Variants in KIF4A observed in about 807,000 individuals in gnomAD.
KIF4A encodes the protein chromosome-associated kinesin KIF4A.
In KIF4A, 7 loss-of-function variants were observed where a neutral mutation model predicts 105.9. That is an observed-to-expected ratio of 0.07 (90% CI 0.04 to 0.12). The LOEUF (loss-of-function observed/expected upper bound fraction) is 0.12, where lower values mean the gene tolerates loss of function less well. Among genes scored for constraint, KIF4A ranks in the 10% least tolerant of loss-of-function variants. KIF4A has a pLI of 1.00. For synonymous variants in KIF4A, 281 were observed against 331.3 expected, an observed-to-expected ratio of 0.85 and a Z score of 1.65; for missense variants, 558 against 929.2, an observed-to-expected ratio of 0.60 and a Z score of 5.19.
intron 15 of KIF4A, among the ~76,000 whole-genome samples, chrX:70,372,106 C>T (rs1271006528): frequency 4.7e-5 from 5 of 105,721 alleles, no homozygotes; most frequent in Non-Finnish European, 9.8e-5. Flanking sequence ...AAGAGGCGCT[C>T]CTCACTTCCT....
At chrX:70,311,963 AAAG>A (rs1421642956) in intron 7 of KIF4A, among the ~76,000 whole-genome samples, 7 of 107,927 alleles carry the variant, frequency 6.5e-5, no homozygotes, top group African/African-American at 2.0e-4. Context: ...AAAAAAAAAA[AAAG>A]AAAAAAAAAT....
intron 13 of KIF4A, among the ~76,000 whole-genome samples, chrX:70,350,306 G>A (rs1158278566): frequency 5.4e-5 from 6 of 111,678 alleles, no homozygotes; most frequent in Admixed American, 9.4e-5. Context: ...TCAACACGGC[G>A]AAACCCCGTC....
At chrX:70,306,233 G>A (rs1280255057) in intron 7 of KIF4A, among the ~76,000 whole-genome samples, 1 of 111,914 alleles carries the variant, frequency 8.9e-6, no homozygotes, top group Non-Finnish European at 1.9e-5. Flanking sequence ...TATGCCTTAC[G>A]CCTTATGTCT....
At chrX:70,410,972 T>C (rs2086319627) in intron 28 of KIF4A, among the ~76,000 whole-genome samples, 1 of 112,788 alleles carries the variant, frequency 8.9e-6, no homozygotes, top group African/African-American at 3.2e-5. Flanking sequence ...TGGTGTTATA[T>C]GGTATCTGAA....
rs779627560 is a variant in KIF4A at position 70,398,099 on chromosome X, G to A, written c.2489+2050G>A. ...CTTGCCCAGGCTGGAGTACAATGGC[G>A]CGATCTTGGCTCACTGCAGCCTCTG... On this transcript the variant is annotated intron_variant, in intron 22 of 30. Transcript: ENST00000374403. Among the ~76,000 whole-genome samples the A allele has an allele frequency of 1.1e-4, 12 of 111,944 alleles. No homozygotes were observed. In the East Asian group the frequency reaches 1.1e-3, roughly 10 times the overall value.
At chrX:70,369,474 C>T (rs1458280106) in intron 15 of KIF4A, among the ~76,000 whole-genome samples, 1 of 111,977 alleles carries the variant, frequency 8.9e-6, no homozygotes, top group African/African-American at 3.2e-5. Flanking sequence ...AGGGTGCAAG[C>T]AAAGTACTCT....
intron 10 of KIF4A, among the ~76,000 whole-genome samples, chrX:70,339,672 T>C (rs2147696839): frequency 8.9e-6 from 1 of 112,845 alleles, no homozygotes; most frequent in East Asian, 2.7e-4. Context: ...AAAAGTACAT[T>C]TTACATATAT....
chrX:70,342,132 G>C (rs1474076723), intron 11 of KIF4A, among the ~76,000 whole-genome samples: 1 of 112,527 alleles, frequency 8.9e-6, no homozygotes, highest in Non-Finnish European at 1.9e-5. Context: ...GAATTGTACA[G>C]TGAACACCTA....
At chrX:70,409,587 A>G (rs925941185) in intron 28 of KIF4A, among the ~76,000 whole-genome samples, 4 of 110,915 alleles carry the variant, frequency 3.6e-5, no homozygotes, top group African/African-American at 1.3e-4. Flanking sequence ...ACCTGAGGTC[A>G]GGAGTTTGAG....
intron 22 of KIF4A, chrX:70,396,309 C>T: frequency 4.4e-6 from 1 of 225,818 alleles, no homozygotes; most frequent in East Asian, 7.6e-5. Flanking sequence ...GTTATCAGAA[C>T]TTATTAACAT....
intron 7 of KIF4A, among the ~76,000 whole-genome samples, chrX:70,322,487 A>G (rs776975555): frequency 9.3e-6 from 1 of 107,441 alleles, no homozygotes; most frequent in Admixed American, 1.0e-4. Flanking sequence ...AATTTTTTGT[A>G]TTTTTAGTAG....
chrX:70,358,110 A>G (rs1207025668), intron 15 of KIF4A, among the ~76,000 whole-genome samples: 5 of 110,234 alleles, frequency 4.5e-5, no homozygotes, highest in East Asian at 5.7e-4. Context: ...GGGTCTCACT[A>G]TGTTGCTGAG....
At chrX:70,372,371 C>A (rs769999796) in intron 15 of KIF4A, among the ~76,000 whole-genome samples, 37 of 94,044 alleles carry the variant, frequency 3.9e-4, no homozygotes, top group African/African-American at 1.3e-3. Context: ...CTGAGTGAAC[C>A]AGACTCCGTC....
In KIF4A at chrX:70,395,661, T is replaced by A. The variant is rs1379520112; in HGVS notation, c.2233-10T>A. 18 of 1,209,319 alleles carry A rather than the reference T, an allele frequency of 1.5e-5. No homozygotes were observed. The highest frequency in any genetic ancestry group is 1.9e-5 in the Non-Finnish European group (17 of 895,018). On this transcript the variant is annotated splice_polypyrimidine_tract_variant and intron_variant, in intron 20 of 30. Transcript: ENST00000374403. ...ATCCCTAACACAGACATCACTGATT[T>A]CTCTTCCAGAATTGGCTTGGAAACG...
chrX:70,371,598 C>CG (rs1569244539), intron 15 of KIF4A, among the ~76,000 whole-genome samples: 1 of 104,066 alleles, frequency 9.6e-6, no homozygotes, highest in East Asian at 3.3e-4. Flanking sequence ...GCTGGCCGGG[C>CG]GGGGGGCTGA....
chrX:70,313,108 T>C (rs1195186471), intron 7 of KIF4A, among the ~76,000 whole-genome samples: 1 of 112,110 alleles, frequency 8.9e-6, no homozygotes, highest in Non-Finnish European at 1.9e-5. Flanking sequence ...TTACTTAATA[T>C]GTTATTTTCT....
intron 15 of KIF4A, among the ~76,000 whole-genome samples, chrX:70,365,743 T>C (rs2086099758): frequency 2.7e-5 from 3 of 111,771 alleles, no homozygotes; most frequent in South Asian, 3.8e-4. Flanking sequence ...GGTATCAGGA[T>C]GATGCTGGCC....
rs746148829 is a variant in KIF4A at position 70,290,667 on chromosome X, C to T, written c.121-24C>T. The T allele has an allele frequency of 1.5e-5, 18 of 1,200,734 alleles. No homozygotes were observed. The South Asian group carries it at 2.8e-4, about 19-fold the overall frequency. On this transcript the variant is annotated intron_variant, in intron 2 of 30. Coordinates refer to ENST00000374403, the MANE Select transcript of KIF4A (RefSeq NM_012310.5). The stretch of plus-strand genomic sequence containing the variant: ...GTCTTGCCTTTCATTTTTAACCTTA[C>T]GCCTTGTCCCGTGCCTTCTCTAGGT...
At chrX:70,320,673 G>T (rs1367313776) in intron 7 of KIF4A, among the ~76,000 whole-genome samples, 1 of 112,012 alleles carries the variant, frequency 8.9e-6, no homozygotes, top group Non-Finnish European at 1.9e-5. Context: ...AGGCCAAGAA[G>T]GGTGTGGGAG....
Sources: allele counts gnomAD v4.1 joint callset (sites outside exome capture counted in the v4.1 genomes callset), GRCh38; gene constraint gnomAD v4.1.1; transcripts MANE v1.5; gene names NCBI Gene and HGNC (gene_info 2026-07-23, HGNC 2026-07-21).